The following PRR5 variants were observed in gnomAD, a reference collection of about 807,000 sequenced individuals.
The protein encoded by PRR5 is proline rich 5, also known as proline-rich protein 5.
PRR5 carries 25 observed loss-of-function variants against 30.6 expected under a neutral mutation model. That is an observed-to-expected ratio of 0.82 (90% confidence interval 0.60 to 1.14). PRR5 has a LOEUF of 1.14. Among genes scored for constraint, PRR5 ranks in the 50% most tolerant of loss-of-function variants. The pLI, the probability that PRR5 is intolerant of heterozygous loss-of-function variation, is 0.00. For missense variants in PRR5, 600 were observed against 547.1 expected (o/e 1.10, Z -0.96); for synonymous variants, 286 against 247.1 (o/e 1.16, Z -1.48).
At chr22:44,688,330 G>T (rs933019278) in intron 1 of PRR5, among the ~76,000 whole-genome samples, 11 of 152,110 alleles carry the variant, frequency 7.2e-5, no homozygotes, top group African/African-American at 2.7e-4. Context: ...GTTGCAGTGA[G>T]CTGTGATCGC....
chr22:44,725,749 C>G (rs983759439), intron 3 of PRR5, among the ~76,000 whole-genome samples: 1 of 152,210 alleles, frequency 6.6e-6, no homozygotes, highest in Non-Finnish European at 1.5e-5. Flanking sequence ...ACTGCAACCT[C>G]TGCCTCCCGG....
intron 2 of PRR5, among the ~76,000 whole-genome samples, chr22:44,720,283 C>T (rs1410026051): frequency 6.6e-6 from 1 of 152,256 alleles, no homozygotes; most frequent in Non-Finnish European, 1.5e-5. Context: ...AAGTTTCCCA[C>T]AATCCCGGAC....
chr22:44,717,962 G>A (rs915992976), intron 2 of PRR5, among the ~76,000 whole-genome samples: 16 of 152,216 alleles, frequency 1.1e-4, no homozygotes, highest in Admixed American at 7.8e-4. Context: ...TGATCCACCT[G>A]CCTCGGCCTC....
intron 2 of PRR5, among the ~76,000 whole-genome samples, chr22:44,723,315 C>G (rs1045614569): frequency 1.3e-5 from 2 of 152,068 alleles, no homozygotes; most frequent in African/African-American, 4.8e-5. Context: ...AGCTGTTGTA[C>G]TGTTGGTCTA....
intron 1 of PRR5, among the ~76,000 whole-genome samples, chr22:44,686,325 T>TTTG (rs1012360833): frequency 3.6e-4 from 54 of 151,914 alleles, no homozygotes; most frequent in East Asian, 3.9e-4. Context: ...TTCTTGTGTT[T>TTTG]TTGTTGTTGT....
chr22:44,735,407 C>T (rs1923033007), intron 7 of PRR5, among the ~76,000 whole-genome samples: 1 of 152,196 alleles, frequency 6.6e-6, no homozygotes. Flanking sequence ...TCCGTGTTCC[C>T]CAGGAGGCCA....
intron 1 of PRR5, among the ~76,000 whole-genome samples, chr22:44,681,154 C>T (rs1924247328): frequency 6.6e-6 from 1 of 152,220 alleles, no homozygotes; most frequent in African/African-American, 2.4e-5. Context: ...GCTCAAATGA[C>T]ACCAGCCCAT....
At chr22:44,698,771 C>G (rs772919515), upstream of PRR5, among the ~76,000 whole-genome samples, 1 of 152,208 alleles carries the variant, frequency 6.6e-6, no homozygotes, top group Non-Finnish European at 1.5e-5. Context: ...AGATGTTGGC[C>G]GCACGCAGTT....
At chr22:44,692,056 C>T (rs1026293931) in intron 1 of PRR5, among the ~76,000 whole-genome samples, 1 of 152,128 alleles carries the variant, frequency 6.6e-6, no homozygotes, top group African/African-American at 2.4e-5. Flanking sequence ...GTCATTCCTG[C>T]CTCCCAGGGC....
At chr22:44,690,627 GCCCGAGGTCGA>G (rs1000386238) in intron 1 of PRR5, among the ~76,000 whole-genome samples, 3 of 152,198 alleles carry the variant, frequency 2.0e-5, no homozygotes, top group African/African-American at 7.2e-5. Flanking sequence ...GAGGGAATCA[GCCCGAGGTCGA>G]CATCTATTAA....
intron 3 of PRR5, 147 bp downstream of exon 3, chr22:44,725,439 C>A (rs2147131261): frequency 9.4e-7 from 1 of 1,060,136 alleles, no homozygotes; most frequent in Non-Finnish European, 1.4e-6. Flanking sequence ...CCTTATCTAG[C>A]CACGTGGAAT....
chr22:44,702,098 C>T (rs1463196170), upstream of PRR5: 1 of 210,196 alleles, frequency 4.8e-6, no homozygotes, highest in African/African-American at 2.4e-5. Flanking sequence ...TGCACACGCC[C>T]CCTCGCCTGA....
intron 1 of PRR5, among the ~76,000 whole-genome samples, chr22:44,706,480 C>T (rs1231780999): frequency 6.6e-6 from 1 of 152,130 alleles, no homozygotes; most frequent in African/African-American, 2.4e-5. Context: ...CTGGGGTCTG[C>T]CTTCCATTCT....
In PRR5 at chr22:44,711,149, C is replaced by A. The variant is rs191750804; in HGVS notation, c.135-3442C>A. 1.3e-3 allele frequency among the ~76,000 whole-genome samples: 202 copies of A among 152,268 alleles called. 1 individual carries two copies. Among genetic ancestry groups the A allele is most frequent in the Non-Finnish European group, 2.1e-4 (14 of 68,004 alleles). On this transcript the variant is annotated intron_variant, in intron 1 of 7. Coordinates refer to ENST00000336985, the MANE Select transcript of PRR5 (RefSeq NM_181333.4). ...AGGGAAGGGCGTGCCATGGCGTTCG[C>A]GGGCAGGTGTTCGCTGGCAGGTGCT...
At chr22:44,697,508 G>A (rs1925863533), upstream of PRR5, among the ~76,000 whole-genome samples, 1 of 152,278 alleles carries the variant, frequency 6.6e-6, no homozygotes. Flanking sequence ...CTTCCAGGGT[G>A]TCCGGGACTG....
chr22:44,670,064 G>GTCCC (rs1208402501), intron 1 of PRR5, among the ~76,000 whole-genome samples: 1 of 152,200 alleles, frequency 6.6e-6, no homozygotes, highest in Non-Finnish European at 1.5e-5. Context: ...CATTTTGTAA[G>GTCCC]TCCCCCATCG....
At chr22:44,713,865 G>A (rs1178763551) in intron 1 of PRR5, among the ~76,000 whole-genome samples, 2 of 152,150 alleles carry the variant, frequency 1.3e-5, no homozygotes, top group African/African-American at 4.8e-5. Context: ...GTGCAGTGGC[G>A]CGATCTCGGC....
At chr22:44,726,454 T>C (rs1208749655) in intron 3 of PRR5, 123 bp from the exon 4 acceptor site, 2 of 1,416,888 alleles carry the variant, frequency 1.4e-6, no homozygotes, top group Non-Finnish European at 1.9e-6. Context: ...GGGACCTCAG[T>C]GAGTCTCCTC....
chr22:44,675,830 T>C (rs949198160), upstream of PRR5, among the ~76,000 whole-genome samples: 3 of 151,418 alleles, frequency 2.0e-5, no homozygotes, highest in African/African-American at 7.3e-5. Flanking sequence ...AAATTGTGGA[T>C]CCTTGCAGAC....
Sources: allele counts gnomAD v4.1 joint callset (sites outside exome capture counted in the v4.1 genomes callset), GRCh38; gene constraint gnomAD v4.1.1; transcripts MANE v1.5; gene names NCBI Gene and HGNC (gene_info 2026-07-23, HGNC 2026-07-21).